The following FHAD1 variants were observed in gnomAD, a reference collection of about 807,000 sequenced individuals.
The protein encoded by FHAD1 is forkhead-associated domain-containing protein 1.
A neutral mutation model predicts 191.3 loss-of-function variants in FHAD1; 146 were observed. That is an observed-to-expected ratio of 0.76 (90% confidence interval 0.67 to 0.88). The LOEUF (loss-of-function observed/expected upper bound fraction) is 0.88. Ranked by LOEUF, FHAD1 falls within the 40% of genes least tolerant of loss-of-function variation. The pLI is 0.00. For missense variants in FHAD1, 1,635 were observed against 1,785.8 expected (o/e 0.92, Z 1.52); for synonymous variants, 616 against 672.3 (o/e 0.92, Z 1.29).
intron 5 of FHAD1, among the ~76,000 whole-genome samples, chr1:15,300,788 CCCTG>C (rs1668465380): frequency 6.6e-6 from 1 of 152,152 alleles, no homozygotes; most frequent in Non-Finnish European, 1.5e-5. Flanking sequence ...TCTGCCTTTT[CCCTG>C]CCTGCCTGCC....
In FHAD1 at chr1:15,316,108, A is replaced by G. The variant is rs1267717548; in HGVS notation, c.1171-270A>G. On this transcript the variant is annotated intron_variant, in intron 8 of 33. Coordinates refer to ENST00000688493, the MANE Select transcript of FHAD1 (RefSeq NM_001391957.1). This position sits in a 1 kb window ranked among gnomAD's most constrained non-coding sequence, Gnocchi z 4.3. ...CTCAGCACAGACTCTCCAAAGCTGG[A>G]TTTTCCTTGTGGTTTAGATTGCTGG... Among the ~76,000 whole-genome samples, 2 of 152,150 alleles carry G rather than the reference A, an allele frequency of 1.3e-5. No homozygotes were observed. Among genetic ancestry groups the G allele is most frequent in the African/African-American group, 4.8e-5 (2 of 41,432 alleles).
At position 15,331,438 on chromosome 1, in the gene FHAD1, G is replaced by A. The variant is rs75975680; in HGVS notation, c.1906+1897G>A. ...TGGGTGGATGGATGGATGGACGGAC[G>A]GGTGGAAGAAAGAATGGATGGAAGG... On this transcript the variant is annotated intron_variant, in intron 14 of 33. Coordinates refer to ENST00000688493, the MANE Select transcript of FHAD1 (RefSeq NM_001391957.1). 1.5e-4 allele frequency among the ~76,000 whole-genome samples: 23 copies of A among 150,950 alleles called. 1 individual carries two copies. The East Asian group carries it at 4.5e-3, about 30-fold the overall frequency.
At chr1:15,242,121 T>C (rs990123868) in intron 1 of FHAD1, among the ~76,000 whole-genome samples, 1 of 150,396 alleles carries the variant, frequency 6.6e-6, no homozygotes, top group Non-Finnish European at 1.5e-5. Flanking sequence ...TAGTCCCAGC[T>C]ACTCAGGCGG....
chr1:15,336,496 C>T (rs1463104823), intron 14 of FHAD1, among the ~76,000 whole-genome samples: 1 of 152,160 alleles, frequency 6.6e-6, no homozygotes, highest in Non-Finnish European at 1.5e-5. Context: ...CCCCTTTCCT[C>T]TCCTTCCCAG....
chr1:15,241,953 G>A (rs1645424868), intron 1 of FHAD1, among the ~76,000 whole-genome samples: 1 of 152,152 alleles, frequency 6.6e-6, no homozygotes, highest in South Asian at 2.1e-4. Flanking sequence ...TTTACAAAAA[G>A]GCCGGGTGCA....
At chr1:15,370,918 G>T (rs1697891401) in intron 26 of FHAD1, among the ~76,000 whole-genome samples, 1 of 152,142 alleles carries the variant, frequency 6.6e-6, no homozygotes, top group Non-Finnish European at 1.5e-5. Flanking sequence ...TCTCAGAGAT[G>T]CCTTTCCCCT....
chr1:15,337,561 G>A lies in FHAD1; in HGVS notation c.1907-1920G>A, dbSNP rs114582213. The stretch of plus-strand genomic sequence containing the variant: ...TTTTTGGTTGTCAAAACTGGGGTGG[G>A]GTGAGTAGGGGTGCCCCTGGCATCC... On this transcript the variant is annotated intron_variant, in intron 14 of 33. Transcript: ENST00000688493. 2.6e-3 allele frequency among the ~76,000 whole-genome samples: 394 copies of A among 152,228 alleles called. 1 individual carries two copies. The highest frequency in any genetic ancestry group is 0.01 in the East Asian group (54 of 5,160).
intron 20 of FHAD1, among the ~76,000 whole-genome samples, chr1:15,354,723 A>G (rs1692143663): frequency 6.6e-6 from 1 of 152,196 alleles, no homozygotes. Context: ...CACAATTTTT[A>G]CTCCAGCAAT....
rs1010309123 is a variant in FHAD1 at position 15,316,419 on chromosome 1, C to T, written c.1212C>T (p.His404=). The change falls in exon 9 of 34, where the codon CAC becomes CAT. Residue 404 remains histidine (H), a synonymous_variant. Coordinates refer to ENST00000688493, the MANE Select transcript of FHAD1 (RefSeq NM_001391957.1). The surrounding 1 kb of genome is among the most constrained non-coding windows in gnomAD (Gnocchi z 4.3). ...AAGAGTTAAAACAGGAAGATGCTCA[C>T]AGGGAGCTCAGGGAAGCCCAGGAGA... is the stretch of plus-strand genomic sequence containing the variant. The part of the protein sequence containing the change: ...LKEELKQEDA[H]RELREAQEKE... 3.9e-6 allele frequency: 6 copies of T among 1,551,594 alleles called. No homozygotes were observed. The highest frequency in any genetic ancestry group is 5.2e-6 in the Non-Finnish European group (6 of 1,147,018).
intron 14 of FHAD1, among the ~76,000 whole-genome samples, chr1:15,333,824 C>CTTTTT (rs55698715): frequency 1.5e-4 from 10 of 64,802 alleles, no homozygotes; most frequent in African/African-American, 3.5e-4. Flanking sequence ...TTTTATTTAT[C>CTTTTT]TTTTTTTTTT....
Position 15,309,173 on chromosome 1 carries a change from G to A in FHAD1, c.1039+437G>A, listed in dbSNP as rs546791007. Among the ~76,000 whole-genome samples, 16 of 152,330 alleles carry A rather than the reference G, an allele frequency of 1.1e-4. No homozygotes were observed. The South Asian group carries it at 1.9e-3, about 18-fold the overall frequency. On this transcript the variant is annotated intron_variant, in intron 7 of 33. Coordinates refer to ENST00000688493, the MANE Select transcript of FHAD1 (RefSeq NM_001391957.1). ...CACACTGGTGCTCTTGGGCCGGAGC[G>A]AAAGCATTTTGCTAATTGAGAGGTA...
intron 3 of FHAD1, among the ~76,000 whole-genome samples, chr1:15,282,030 G>T (rs751870558): frequency 3.7e-4 from 56 of 152,244 alleles, no homozygotes; most frequent in Non-Finnish European, 6.8e-4. Flanking sequence ...GCGCTTTTGG[G>T]TTGGTGCTTA....
In FHAD1 at chr1:15,289,393, CT is replaced by C. The variant is rs1255727419; in HGVS notation, c.301-5del. 1.3e-6 allele frequency: 2 copies of C among 1,551,014 alleles called. No homozygotes were observed. The highest frequency in any genetic ancestry group is 2.7e-5 in the African/African-American group (2 of 73,052). On this transcript the variant is annotated splice_polypyrimidine_tract_variant and splice_region_variant and intron_variant, in intron 3 of 33. Coordinates refer to ENST00000688493, the MANE Select transcript of FHAD1 (RefSeq NM_001391957.1). This position sits in a 1 kb window ranked among gnomAD's most constrained non-coding sequence, Gnocchi z 4.2. ...AACCTCCCCTGACCCTTGTCTGCCC[CT>C]GCAGGTCTCTTTCCCATGGATGAGG...
chr1:15,360,433 A>C, intron 21 of FHAD1, 45 bp from the exon 22 acceptor site: 1 of 1,518,698 alleles, frequency 6.6e-7, no homozygotes, highest in Non-Finnish European at 8.9e-7. Flanking sequence ...TGTTGCCGTC[A>C]TACACAGCTC....
rs1255240967 is a variant in FHAD1 at position 15,327,045 on chromosome 1, C to A, written c.1474-14C>A. ...TGCTGACCCCCTGACACTGTTGCCC[C>A]CTCTCTGCTGCAGCTGGAGCACTTC... On this transcript the variant is annotated splice_polypyrimidine_tract_variant and intron_variant, in intron 11 of 33. Coordinates refer to ENST00000688493, the MANE Select transcript of FHAD1 (RefSeq NM_001391957.1). This position sits in a 1 kb window ranked among gnomAD's most constrained non-coding sequence, Gnocchi z 5.1. 6.5e-7 allele frequency: 1 copy of A among 1,543,618 alleles called. No homozygotes were observed. The highest frequency in any genetic ancestry group is 8.8e-7 in the Non-Finnish European group (1 of 1,139,822).
At chr1:15,370,807 T>C (rs1697855013) in intron 26 of FHAD1, among the ~76,000 whole-genome samples, 1 of 152,146 alleles carries the variant, frequency 6.6e-6, no homozygotes, top group Non-Finnish European at 1.5e-5. Flanking sequence ...GGCTATTCTT[T>C]CCCCAGGGCT....
chr1:15,395,270 T>G (rs1298337182), intron 33 of FHAD1, among the ~76,000 whole-genome samples: 1 of 142,912 alleles, frequency 7.0e-6, no homozygotes, highest in East Asian at 2.0e-4. Flanking sequence ...ATCACGCCAC[T>G]GCAGTCCAGC....
intron 1 of FHAD1, among the ~76,000 whole-genome samples, chr1:15,240,589 T>C (rs6688294): frequency 0.85 from 125,855 of 147,850 alleles, 53,840 homozygotes; most frequent in East Asian, 0.95. Context: ...TACGATCACA[T>C]CACTGCACTC....
chr1:15,299,199 C>CAAAAAAAAAAAAAAAAAA (rs35299485), intron 5 of FHAD1, among the ~76,000 whole-genome samples: 2 of 46,388 alleles, frequency 4.3e-5, no homozygotes, highest in African/African-American at 1.6e-4. Context: ...GACCCTGTCT[C>CAAAAAAAAAAAAAAAAAA]AAAAAAAAAA....
Sources: allele counts gnomAD v4.1 joint callset (sites outside exome capture counted in the v4.1 genomes callset), GRCh38; gene constraint gnomAD v4.1.1; non-coding constraint Gnocchi (gnomAD v3.1); transcripts MANE v1.5; gene names NCBI Gene and HGNC (gene_info 2026-07-23, HGNC 2026-07-21).